The following NDUFS6 variants were observed in gnomAD, a reference collection of about 807,000 sequenced individuals.
The protein encoded by NDUFS6 is NADH dehydrogenase [ubiquinone] iron-sulfur protein 6, mitochondrial.
NDUFS6 carries 14 observed loss-of-function variants against 13.2 expected under a neutral mutation model. The ratio of observed to expected loss-of-function variants is 1.06; its 90% CI spans 0.70 to 1.66. The LOEUF is 1.66. NDUFS6 is among the 40% of genes most tolerant of loss of function. NDUFS6 has a pLI of 0.00. For synonymous variants in NDUFS6, 95 were observed against 72.3 expected (o/e 1.31, Z -1.60); for missense variants, 206 against 170.8 (o/e 1.21, Z -1.15).
chr5:1,809,118 A>T (rs1734172175), intron 2 of NDUFS6, among the ~76,000 whole-genome samples: 1 of 152,190 alleles, frequency 6.6e-6, no homozygotes, highest in Non-Finnish European at 1.5e-5. Context: ...ACATATCTTT[A>T]TGCCCAATCA....
intron 3 of NDUFS6, among the ~76,000 whole-genome samples, chr5:1,815,069 G>A (rs72704476): frequency 6.6e-6 from 1 of 152,066 alleles, no homozygotes; most frequent in African/African-American, 2.4e-5. Context: ...TAGGACTTTG[G>A]GGGGCACACG....
At chr5:1,807,786 G>T (rs912474638) in intron 2 of NDUFS6, among the ~76,000 whole-genome samples, 1 of 152,228 alleles carries the variant, frequency 6.6e-6, no homozygotes, top group Non-Finnish European at 1.5e-5. Context: ...GCTCTCGTGC[G>T]TGCACACACA....
chr5:1,801,972 C>T lies in NDUFS6; in HGVS notation c.133-349C>T, dbSNP rs945843020. Among the ~76,000 whole-genome samples, 6 of 152,322 alleles carry T rather than the reference C, an allele frequency of 3.9e-5. No homozygotes were observed. The East Asian group carries it at 1.2e-3, about 29-fold the overall frequency. On this transcript the variant is annotated intron_variant, in intron 1 of 3. Transcript: ENST00000274137. ...TGAAGAACAAAGGTACCTGTGTATA[C>T]TGGAATGTGCCCTAGTAGATTTAAT... is the stretch of plus-strand genomic sequence containing the variant.
chr5:1,803,391 G>A (rs1734079534), intron 2 of NDUFS6, among the ~76,000 whole-genome samples: 1 of 152,186 alleles, frequency 6.6e-6, no homozygotes, highest in African/African-American at 2.4e-5. Flanking sequence ...TGCACATTCA[G>A]TGGAAGAGTG....
intron 2 of NDUFS6, among the ~76,000 whole-genome samples, chr5:1,810,249 C>T (rs1038505572): frequency 1.3e-5 from 2 of 152,166 alleles, no homozygotes; most frequent in South Asian, 2.1e-4. Flanking sequence ...GAGCAACATC[C>T]GAGGCAGAGG....
At chr5:1,802,519 C>G (rs563110346) in intron 2 of NDUFS6, 145 bp downstream of exon 2, 14 of 628,458 alleles carry the variant, frequency 2.2e-5, no homozygotes, top group Non-Finnish European at 3.3e-5. Flanking sequence ...TTCTTCCTTT[C>G]TTAAAATCTT....
rs111987501 is a variant in NDUFS6 at position 1,804,491 on chromosome 5, G to A, written c.186+2117G>A. On this transcript the variant is annotated intron_variant, in intron 2 of 3. Transcript: ENST00000274137. ...TGGTTGTGACCTCAACGCTCCAGCCGGCCTAGCCTCCAGTGCCTTCCCCCA... is the reference window on the plus strand; with the variant it reads ...TGGTTGTGACCTCAACGCTCCAGCCAGCCTAGCCTCCAGTGCCTTCCCCCA... Among the ~76,000 whole-genome samples the A allele has an allele frequency of 1.9e-3, 284 of 152,320 alleles. 5 individuals are homozygous for A. Among genetic ancestry groups the A allele is most frequent in the African/African-American group, 6.4e-3 (267 of 41,580 alleles).
At chr5:1,809,456 G>A (rs939158048) in intron 2 of NDUFS6, among the ~76,000 whole-genome samples, 2 of 152,168 alleles carry the variant, frequency 1.3e-5, no homozygotes, top group Non-Finnish European at 1.5e-5. Context: ...GCTCTGTGTC[G>A]TGGCTGGGTG....
At chr5:1,806,625 A>C (rs1734127048) in intron 2 of NDUFS6, among the ~76,000 whole-genome samples, 3 of 152,148 alleles carry the variant, frequency 2.0e-5, no homozygotes, top group Admixed American at 6.5e-5. Flanking sequence ...TGCTCACGAG[A>C]GAGGAAAACT....
intron 2 of NDUFS6, among the ~76,000 whole-genome samples, chr5:1,803,732 C>T (rs1013792227): frequency 2.0e-5 from 3 of 152,198 alleles, no homozygotes; most frequent in African/African-American, 7.2e-5. Context: ...GTTCCATGTG[C>T]CACATTCTCC....
chr5:1,808,529 TGCTGGTG>T (rs1187370472), intron 2 of NDUFS6, among the ~76,000 whole-genome samples: 1 of 152,258 alleles, frequency 6.6e-6, no homozygotes, highest in Non-Finnish European at 1.5e-5. Context: ...CAGGTTCACA[TGCTGGTG>T]GCTTTGTTTG....
At chr5:1,813,543 A>G (rs1734253498) in intron 2 of NDUFS6, among the ~76,000 whole-genome samples, 3 of 152,178 alleles carry the variant, frequency 2.0e-5, no homozygotes, top group Non-Finnish European at 4.4e-5. Flanking sequence ...CCACTTACCC[A>G]CTGCCTGGCA....
chr5:1,814,315 C>G lies in NDUFS6; in HGVS notation c.187-24C>G. 6.2e-7 allele frequency: 1 copy of G among 1,614,100 alleles called. No individual in the cohort carries two copies. Among genetic ancestry groups the G allele is most frequent in the East Asian group, 2.2e-5 (1 of 44,886 alleles). On this transcript the variant is annotated intron_variant, in intron 2 of 3. Transcript: ENST00000274137. The surrounding 1 kb of genome is among the most constrained non-coding windows in gnomAD (Gnocchi z 4.9). ...GTTAGCAAGTTTGTGTATTTGTTTA[C>G]GTAAGTCTTTCTTCTTGTTCCAGGT...
intron 1 of NDUFS6, 144 bp downstream of exon 1, chr5:1,801,693 G>T: frequency 1.5e-6 from 2 of 1,294,502 alleles, no homozygotes; most frequent in Non-Finnish European, 2.1e-6. Context: ...TCACGCGCCG[G>T]GGAGGACGCC....
intron 2 of NDUFS6, among the ~76,000 whole-genome samples, chr5:1,813,026 TG>T (rs1200846625): frequency 6.6e-6 from 1 of 151,962 alleles, no homozygotes; most frequent in African/African-American, 2.4e-5. Context: ...CATTCCAGCC[TG>T]GGCGACAGAG....
In NDUFS6 at chr5:1,814,343, A is replaced by G. The variant is rs761933019; in HGVS notation, c.191A>G (p.Asn64Ser). ...IRFVGRQKEV[N>S]ENFAIDLIAE... ...AAGTCTTTCTTCTTGTTCCAGGTGAATGAAAACTTTGCCATTGATTTGATA... is the reference window on the plus strand; with the variant it reads ...AAGTCTTTCTTCTTGTTCCAGGTGAGTGAAAACTTTGCCATTGATTTGATA... The change falls in exon 3 of 4, where the codon AAT (asparagine) becomes AGT (serine). Residue 64 changes from asparagine to serine, a missense_variant. Coordinates refer to ENST00000274137, the MANE Select transcript of NDUFS6 (RefSeq NM_004553.6). This position sits in a 1 kb window ranked among gnomAD's most constrained non-coding sequence, Gnocchi z 4.9. The G allele has an allele frequency of 2.5e-6, 4 of 1,614,062 alleles. No homozygotes were observed. The highest frequency in any genetic ancestry group is 3.4e-6 in the Non-Finnish European group (4 of 1,180,052).
chr5:1,816,036 C>A lies in NDUFS6; in HGVS notation c.*120C>A. 9.1e-7 allele frequency: 1 copy of A among 1,094,396 alleles called. No homozygotes were observed. Among genetic ancestry groups the A allele is most frequent in the Non-Finnish European group, 1.4e-6 (1 of 709,338 alleles). 67.8% of individuals were successfully genotyped at this position (1,094,396 alleles called of 1,614,324 possible). On this transcript the variant is annotated 3_prime_UTR_variant, in exon 4 of 4. Transcript: ENST00000274137. ...TCCTGGTGCTGAATAAAGGGTGTTG[C>A]TGTCAAGGCTGACAATTTGTAAGTT...
At chr5:1,802,400 G>T (rs1430080060) in intron 2 of NDUFS6, 26 bp downstream of exon 2, 3 of 1,600,750 alleles carry the variant, frequency 1.9e-6, no homozygotes, top group Non-Finnish European at 1.7e-6. Context: ...AGTGAAGAGA[G>T]GTAAGCTTTC....
intron 2 of NDUFS6, among the ~76,000 whole-genome samples, chr5:1,809,100 T>C (rs1206654946): frequency 6.6e-6 from 1 of 152,172 alleles, no homozygotes; most frequent in Non-Finnish European, 1.5e-5. Flanking sequence ...TCCTAAAGAT[T>C]TAAACCTACA....
Sources: allele counts gnomAD v4.1 joint callset (sites outside exome capture counted in the v4.1 genomes callset), GRCh38; gene constraint gnomAD v4.1.1; non-coding constraint Gnocchi (gnomAD v3.1); transcripts MANE v1.5; gene names NCBI Gene and HGNC (gene_info 2026-07-23, HGNC 2026-07-21).